The following MAGI2 variants were observed in gnomAD, a reference collection of about 807,000 sequenced individuals.
MAGI2 encodes the protein membrane associated guanylate kinase, WW and PDZ domain containing 2.
MAGI2 carries 35 observed loss-of-function variants against 133.3 expected under a neutral mutation model. The observed-to-expected ratio is 0.26, with a 90% confidence interval of 0.20 to 0.35. The LOEUF (loss-of-function observed/expected upper bound fraction) is 0.35, where lower values mean the gene tolerates loss of function less well. Ranked by LOEUF, MAGI2 falls within the 10% of genes least tolerant of loss-of-function variation. The probability of loss-of-function intolerance (pLI) is 1.00; values close to 1 mark genes in which losing one functional copy is unlikely to be tolerated. For synonymous variants in MAGI2, 729 were observed against 710.6 expected (o/e 1.03, Z -0.41); for missense variants, 1,636 against 1,863.4 (o/e 0.88, Z 2.25).
chr7:78,316,635 T>C (rs991937531), intron 9 of MAGI2, among the ~76,000 whole-genome samples: 20 of 152,350 alleles, frequency 1.3e-4, no homozygotes, highest in Admixed American at 3.9e-4. Context: ...GTAGAAACTG[T>C]CAATTAAAAT....
At chr7:79,349,328 T>A (rs922473476) in intron 1 of MAGI2, among the ~76,000 whole-genome samples, 1 of 152,078 alleles carries the variant, frequency 6.6e-6, no homozygotes, top group African/African-American at 2.4e-5. Flanking sequence ...TAACACTAGA[T>A]TGGATATTAG....
At position 79,453,328 on chromosome 7, in the gene MAGI2, G is replaced by T; in HGVS notation, c.-8C>A. On this transcript the variant is annotated 5_prime_UTR_variant, in exon 1 of 22. Coordinates refer to ENST00000354212, the MANE Select transcript of MAGI2 (RefSeq NM_012301.4). ...TTTCAAGCTTTTGGACATGGCAGTG[G>T]GGCGAGTCGCCTCAGTTCCTGGGCT... 6.3e-7 allele frequency: 1 copy of T among 1,597,962 alleles called. No individual in the cohort carries two copies. The highest frequency in any genetic ancestry group is 2.2e-5 in the East Asian group (1 of 44,572).
chr7:79,379,397 T>G (rs1158504501), intron 1 of MAGI2, among the ~76,000 whole-genome samples: 2 of 151,986 alleles, frequency 1.3e-5, no homozygotes, highest in Admixed American at 6.6e-5. Context: ...GTCTTTGCTA[T>G]TGTGAATAGT....
intron 1 of MAGI2, among the ~76,000 whole-genome samples, chr7:79,308,266 A>G (rs1022112383): frequency 1.6e-4 from 24 of 152,160 alleles, no homozygotes; most frequent in African/African-American, 5.8e-4. Context: ...ACGTAGCTCA[A>G]TATTCCCACT....
At chr7:78,315,349 A>G (rs749694649) in intron 9 of MAGI2, among the ~76,000 whole-genome samples, 1 of 152,152 alleles carries the variant, frequency 6.6e-6, no homozygotes, top group African/African-American at 2.4e-5. Context: ...GCAGGGTTTC[A>G]CATTTTGCCA....
At chr7:79,406,948 A>G (rs1027628578) in intron 1 of MAGI2, among the ~76,000 whole-genome samples, 3 of 152,140 alleles carry the variant, frequency 2.0e-5, no homozygotes, top group Admixed American at 6.6e-5. Flanking sequence ...ACATGTTAAT[A>G]CCAGCTTTCT....
At chr7:78,729,306 G>A (rs763344479) in intron 2 of MAGI2, among the ~76,000 whole-genome samples, 3 of 152,138 alleles carry the variant, frequency 2.0e-5, no homozygotes, top group Non-Finnish European at 4.4e-5. Context: ...AACACATTAG[G>A]GGTTCAGCAA....
In MAGI2 at chr7:78,124,644, G is replaced by A. The variant is rs116608396; in HGVS notation, c.3567+1050C>T. 8.2e-3 allele frequency among the ~76,000 whole-genome samples: 1,245 copies of A among 152,080 alleles called. 12 individuals carry two copies. The highest frequency in any genetic ancestry group is 0.027 in the African/African-American group (1,116 of 41,448). ...TTTATTAACTTAAAGAGGCAGGAGG[G>A]AGGGCAAGAATAAATTCTAGATTTT... On this transcript the variant is annotated intron_variant, in intron 20 of 21. Coordinates refer to ENST00000354212, the MANE Select transcript of MAGI2 (RefSeq NM_012301.4).
chr7:78,705,259 G>A (rs946822600), intron 2 of MAGI2, among the ~76,000 whole-genome samples: 29 of 152,088 alleles, frequency 1.9e-4, no homozygotes, highest in African/African-American at 7.0e-4. Flanking sequence ...AAGATCTGAT[G>A]GTTTATAAGG....
chr7:78,853,346 T>C (rs1250520660), intron 2 of MAGI2, among the ~76,000 whole-genome samples: 1 of 79,874 alleles, frequency 1.3e-5, no homozygotes, highest in African/African-American at 4.7e-5. Flanking sequence ...TTTTTTTTTT[T>C]TTTTTTTTTT....
chr7:78,815,808 CTCTT>C (rs1248420131), intron 2 of MAGI2, among the ~76,000 whole-genome samples: 1 of 152,172 alleles, frequency 6.6e-6, no homozygotes, highest in African/African-American at 2.4e-5. Flanking sequence ...CTCTCTCCCT[CTCTT>C]TGTGTGTCTT....
At chr7:78,260,905 A>G (rs1793454113) in intron 9 of MAGI2, among the ~76,000 whole-genome samples, 1 of 152,210 alleles carries the variant, frequency 6.6e-6, no homozygotes, top group Non-Finnish European at 1.5e-5. Flanking sequence ...GGGAATCAAA[A>G]TACAGAATAG....
chr7:78,792,619 T>A (rs4730497), intron 2 of MAGI2, among the ~76,000 whole-genome samples: 122,780 of 151,756 alleles, frequency 0.81, 50,910 homozygotes, highest in East Asian at 0.96. Flanking sequence ...TTCCTTCTTC[T>A]ATTATTTTAT....
intron 2 of MAGI2, among the ~76,000 whole-genome samples, chr7:78,758,675 C>G (rs1366335441): frequency 6.6e-6 from 1 of 152,114 alleles, no homozygotes; most frequent in Non-Finnish European, 1.5e-5. Context: ...ATTCTTTTTG[C>G]TCTACACATT....
At chr7:78,948,034 G>A (rs112308079) in intron 2 of MAGI2, among the ~76,000 whole-genome samples, 6 of 152,102 alleles carry the variant, frequency 3.9e-5, no homozygotes, top group Admixed American at 6.5e-5. Flanking sequence ...AAAATGGGAC[G>A]TTGAAGATAG....
At chr7:78,330,615 C>CAAAAAAAAAAAA (rs4024122) in intron 9 of MAGI2, among the ~76,000 whole-genome samples, 1 of 6,938 alleles carries the variant, frequency 1.4e-4, no homozygotes. Context: ...GACTCCGTCT[C>CAAAAAAAAAAAA]AAAAAAAAAA....
intron 2 of MAGI2, among the ~76,000 whole-genome samples, chr7:78,695,422 T>C (rs1431353096): frequency 6.6e-6 from 1 of 152,168 alleles, no homozygotes; most frequent in African/African-American, 2.4e-5. Context: ...CTGTATCTGA[T>C]GTCAAACAGA....
At chr7:78,044,700 T>TGTGCGC (rs1563046184) in intron 21 of MAGI2, among the ~76,000 whole-genome samples, 25 of 88,132 alleles carry the variant, frequency 2.8e-4, no homozygotes, top group African/African-American at 1.2e-3. Flanking sequence ...TGTGTGTGTG[T>TGTGCGC]GTGTGCACGT....
chr7:78,102,707 C>A (rs1290999480), intron 20 of MAGI2, among the ~76,000 whole-genome samples: 1 of 152,196 alleles, frequency 6.6e-6, no homozygotes, highest in Admixed American at 6.5e-5. Context: ...TTACAGAAAA[C>A]AAGGCAAGGC....
Sources: gnomAD v4.1 joint callset for allele counts (sites outside exome capture counted in the v4.1 genomes callset) on GRCh38, gnomAD v4.1.1 for gene constraint, MANE v1.5 for transcripts, NCBI Gene and HGNC (gene_info 2026-07-23, HGNC 2026-07-21) for gene names.